The following ATF6 variants were observed in gnomAD, a reference collection of about 807,000 sequenced individuals.
ATF6 encodes the protein cyclic AMP-dependent transcription factor ATF-6 alpha.
ATF6 carries 53 observed loss-of-function variants against 83.6 expected under a neutral mutation model. The ratio of observed to expected loss-of-function variants is 0.63; its 90% CI spans 0.51 to 0.80. The LOEUF (loss-of-function observed/expected upper bound fraction) is 0.80, where lower values mean the gene tolerates loss of function less well. ATF6 is among the 30% of genes least tolerant of loss of function. The probability of loss-of-function intolerance (pLI) is 0.00; values close to 1 mark genes in which losing one functional copy is unlikely to be tolerated. For missense variants in ATF6, 744 were observed against 797.9 expected, an observed-to-expected ratio of 0.93 and a Z score of 0.81; for synonymous variants, 288 against 285.8, an observed-to-expected ratio of 1.01 and a Z score of -0.08.
intron 7 of ATF6, among the ~76,000 whole-genome samples, chr1:161,810,497 A>C (rs1301595203): frequency 2.0e-5 from 3 of 152,296 alleles, no homozygotes; most frequent in African/African-American, 7.2e-5. Context: ...GGGTAGAGAC[A>C]CAAATCTAGA....
rs543201939 is a variant in ATF6 at position 161,792,939 on chromosome 1, G to C, written c.688+612G>C. ...AGGATTTGGTACTATTCAGATATGG[G>C]AGTCATTTCCGTATGGAGATCTCTT... On this transcript the variant is annotated intron_variant, in intron 6 of 15. Coordinates refer to ENST00000367942, the MANE Select transcript of ATF6 (RefSeq NM_007348.4). 2.2e-3 allele frequency among the ~76,000 whole-genome samples: 341 copies of C among 152,252 alleles called. 3 individuals carry two copies. The highest frequency in any genetic ancestry group is 4.5e-3 in the Admixed American group (69 of 15,298).
At chr1:161,786,814 G>A (rs1017356849) in intron 4 of ATF6, among the ~76,000 whole-genome samples, 17 of 152,112 alleles carry the variant, frequency 1.1e-4, no homozygotes, top group African/African-American at 3.9e-4. Context: ...TTCAGCTCTC[G>A]TTTAAATTGT....
intron 14 of ATF6, among the ~76,000 whole-genome samples, chr1:161,885,684 T>C (rs1261286633): frequency 3.3e-5 from 5 of 152,156 alleles, no homozygotes; most frequent in African/African-American, 1.2e-4. Flanking sequence ...TGATAAAATT[T>C]TATTCTGTTT....
At chr1:161,946,546 A>G (rs1688751157) in intron 15 of ATF6, among the ~76,000 whole-genome samples, 1 of 152,220 alleles carries the variant, frequency 6.6e-6, no homozygotes, top group African/African-American at 2.4e-5. Flanking sequence ...CATAGTTACA[A>G]CCAGGAATCT....
chr1:161,956,988 T>C (rs768557960), intron 15 of ATF6, among the ~76,000 whole-genome samples: 25 of 152,166 alleles, frequency 1.6e-4, no homozygotes, highest in African/African-American at 2.2e-4. Context: ...CTGAAGTCTA[T>C]AAATTAGACC....
chr1:161,930,481 C>T (rs981533182), intron 15 of ATF6, among the ~76,000 whole-genome samples: 6 of 152,076 alleles, frequency 3.9e-5, no homozygotes, highest in African/African-American at 9.7e-5. Context: ...TAGAACCTTA[C>T]GTTTCTTTCA....
At chr1:161,886,368 A>G (rs1214844929) in intron 14 of ATF6, among the ~76,000 whole-genome samples, 1 of 152,234 alleles carries the variant, frequency 6.6e-6, no homozygotes, top group African/African-American at 2.4e-5. Context: ...ATGTTTATTA[A>G]ATACATATAA....
chr1:161,901,443 ATTAAAATT>A (rs979705299), intron 14 of ATF6, among the ~76,000 whole-genome samples: 1 of 151,828 alleles, frequency 6.6e-6, no homozygotes, highest in Admixed American at 6.6e-5. Flanking sequence ...AAAAAAAACA[ATTAAAATT>A]TTAAATAACA....
chr1:161,906,366 C>A (rs1425572201), intron 14 of ATF6, among the ~76,000 whole-genome samples: 1 of 151,934 alleles, frequency 6.6e-6, no homozygotes, highest in African/African-American at 2.4e-5. Flanking sequence ...CCAAGAAACT[C>A]AAAATTAATT....
intron 3 of ATF6, among the ~76,000 whole-genome samples, chr1:161,782,361 TC>T (rs1270692604): frequency 6.6e-6 from 1 of 152,006 alleles, no homozygotes; most frequent in Admixed American, 6.6e-5. Context: ...GGTGGAGGAG[TC>T]CCATGCATTT....
chr1:161,920,537 G>T (rs992337979), intron 15 of ATF6, among the ~76,000 whole-genome samples: 9 of 151,888 alleles, frequency 5.9e-5, no homozygotes, highest in African/African-American at 2.2e-4. Context: ...CTCATGATCT[G>T]CCCGCCTCGG....
At chr1:161,806,647 G>C (rs1356123996) in intron 7 of ATF6, among the ~76,000 whole-genome samples, 3 of 152,070 alleles carry the variant, frequency 2.0e-5, no homozygotes, top group African/African-American at 7.2e-5. Context: ...TCCAAACTCT[G>C]TATCACCTTT....
intron 9 of ATF6, among the ~76,000 whole-genome samples, chr1:161,826,336 A>G (rs1261762285): frequency 6.6e-6 from 1 of 152,134 alleles, no homozygotes; most frequent in African/African-American, 2.4e-5. Context: ...TTAAAAATGA[A>G]TTAATGATCT....
At chr1:161,900,312 C>T (rs1335639515) in intron 14 of ATF6, among the ~76,000 whole-genome samples, 4 of 152,112 alleles carry the variant, frequency 2.6e-5, no homozygotes, top group East Asian at 3.9e-4. Flanking sequence ...TATGTCATTT[C>T]GCTTAAAGAA....
rs571288571 is a variant in ATF6, at chr1:161,828,459, T to G, written c.1187+7298T>G. On this transcript the variant is annotated intron_variant, in intron 9 of 15. Coordinates refer to ENST00000367942, the MANE Select transcript of ATF6 (RefSeq NM_007348.4). Reference sequence around the variant, plus strand: ...AGTTCCTGATCCTTGCGGCGTAGTGTCTGGGGATGGGAAAGAAAGCTGTGG... The same window carrying G: ...AGTTCCTGATCCTTGCGGCGTAGTGGCTGGGGATGGGAAAGAAAGCTGTGG... Among the ~76,000 whole-genome samples the G allele has an allele frequency of 1.8e-3, 280 of 152,226 alleles. 2 individuals are homozygous for G. The highest frequency in any genetic ancestry group is 2.9e-3 in the Non-Finnish European group (196 of 68,012).
At chr1:161,831,331 T>C (rs1686055155) in intron 9 of ATF6, among the ~76,000 whole-genome samples, 1 of 152,218 alleles carries the variant, frequency 6.6e-6, no homozygotes, top group African/African-American at 2.4e-5. Context: ...ATAGGAACAC[T>C]TTTACACTGT....
chr1:161,910,217 A>G (rs995472625), intron 14 of ATF6, among the ~76,000 whole-genome samples: 3 of 152,174 alleles, frequency 2.0e-5, no homozygotes, highest in Non-Finnish European at 4.4e-5. Context: ...TTATATAGAC[A>G]CTTATTTTTA....
At chr1:161,947,472 C>T (rs544452747) in intron 15 of ATF6, among the ~76,000 whole-genome samples, 2 of 152,242 alleles carry the variant, frequency 1.3e-5, no homozygotes, top group South Asian at 4.1e-4. Flanking sequence ...GGGTCAGGCC[C>T]ATTTGAGCAG....
intron 15 of ATF6, among the ~76,000 whole-genome samples, chr1:161,956,275 A>G (rs1688963811): frequency 6.6e-6 from 1 of 152,172 alleles, no homozygotes; most frequent in Non-Finnish European, 1.5e-5. Context: ...TTGGTCTTCC[A>G]CAGTGCATGC....
Sources: allele counts gnomAD v4.1 joint callset (sites outside exome capture counted in the v4.1 genomes callset), GRCh38; gene constraint gnomAD v4.1.1; transcripts MANE v1.5; gene names NCBI Gene and HGNC (gene_info 2026-07-23, HGNC 2026-07-21).